DIP2C: variants seen among roughly 807,000 people sequenced by gnomAD.
DIP2C encodes DIP2 acetate--CoA ligase C (putative), also known as disco-interacting protein 2 homolog C.
Under a neutral mutation model 192.4 loss-of-function variants are expected in DIP2C, and 33 were observed. The observed-to-expected ratio is 0.17, with a 90% CI of 0.13 to 0.23. The LOEUF is 0.23. Among genes scored for constraint, DIP2C ranks in the 10% least tolerant of loss-of-function variants. The pLI is 1.00. For missense variants in DIP2C, 1,537 were observed against 2,110.1 expected, an observed-to-expected ratio of 0.73 and a Z score of 5.32; for synonymous variants, 979 against 864.1, an observed-to-expected ratio of 1.13 and a Z score of -2.33.
Position 591,848 on chromosome 10 carries a change from C to T in DIP2C, c.85+97646G>A, listed in dbSNP as rs550092356. Among the ~76,000 whole-genome samples the T allele has an allele frequency of 1.3e-4, 20 of 152,314 alleles. No individual in the cohort carries two copies. The South Asian group carries it at 4.1e-3, about 32-fold the overall frequency. On this transcript the variant is annotated intron_variant, in intron 1 of 36. Coordinates refer to ENST00000280886, the MANE Select transcript of DIP2C (RefSeq NM_014974.3). ...AACAGGGACCTCTCCTCAGACGTCC[C>T]ACAGTGCAGGCAGCCAGAGGGGAAG...
At chr10:361,325 C>A (rs73587803) in intron 22 of DIP2C, among the ~76,000 whole-genome samples, 1 of 152,126 alleles carries the variant, frequency 6.6e-6, no homozygotes, top group Non-Finnish European at 1.5e-5. Flanking sequence ...CACTCCTGAC[C>A]GCAGTGTGAG....
intron 19 of DIP2C, among the ~76,000 whole-genome samples, chr10:365,973 C>T (rs889250096): frequency 6.6e-5 from 10 of 152,226 alleles, no homozygotes; most frequent in Non-Finnish European, 1.2e-4. Flanking sequence ...AGGCCCTTCA[C>T]GCACACAAGT....
intron 26 of DIP2C, among the ~76,000 whole-genome samples, chr10:347,901 G>A (rs1282874212): frequency 1.2e-4 from 11 of 89,714 alleles, no homozygotes; most frequent in African/African-American, 1.2e-4. Flanking sequence ...GCACCCAGAC[G>A]CGTCGCGCAT....
intron 1 of DIP2C, among the ~76,000 whole-genome samples, chr10:497,241 T>G (rs1844900092): frequency 6.6e-6 from 1 of 152,236 alleles, no homozygotes; most frequent in African/African-American, 2.4e-5. Context: ...TCTACCCATG[T>G]TCAGAACAGG....
intron 3 of DIP2C, among the ~76,000 whole-genome samples, chr10:456,766 CACG>C (rs1969337527): frequency 6.6e-6 from 1 of 152,234 alleles, no homozygotes; most frequent in Non-Finnish European, 1.5e-5. Flanking sequence ...TGTTCCCTTC[CACG>C]ACGATTTTTG....
chr10:405,826 C>A (rs553388700), intron 9 of DIP2C, among the ~76,000 whole-genome samples: 5 of 152,340 alleles, frequency 3.3e-5, no homozygotes, highest in Admixed American at 1.3e-4. Context: ...CCCTCCAGGG[C>A]TCCTCACACA....
chr10:417,493 C>T (rs550604035), intron 6 of DIP2C, among the ~76,000 whole-genome samples: 128 of 152,318 alleles, frequency 8.4e-4, no homozygotes, highest in Admixed American at 2.4e-3. Flanking sequence ...GAAAAGTCAT[C>T]GCACTGGCAA....
At chr10:616,571 C>A (rs149865578) in intron 1 of DIP2C, among the ~76,000 whole-genome samples, 1 of 152,346 alleles carries the variant, frequency 6.6e-6, no homozygotes, top group Admixed American at 6.5e-5. Context: ...TGAGCCCCAA[C>A]AGCCCCTCGC....
chr10:343,305 C>T (rs1481205587), intron 28 of DIP2C, among the ~76,000 whole-genome samples: 1 of 152,102 alleles, frequency 6.6e-6, no homozygotes, highest in Non-Finnish European at 1.5e-5. Context: ...AAAAACATGT[C>T]ACAAGTTGAT....
intron 32 of DIP2C, among the ~76,000 whole-genome samples, chr10:294,597 AAAG>A (rs1955657649): frequency 6.6e-6 from 1 of 151,454 alleles, no homozygotes. Context: ...CCATCTAAAA[AAAG>A]AAAAAAAAAA....
At chr10:384,459 A>C in intron 15 of DIP2C, 87 bp downstream of exon 15, 1 of 1,366,330 alleles carries the variant, frequency 7.3e-7, no homozygotes, top group East Asian at 2.3e-5. Flanking sequence ...GGTGGTCTGG[A>C]ACTCCTGACC....
chr10:294,600 GAAAA>G (rs570204891), intron 32 of DIP2C, among the ~76,000 whole-genome samples: 1 of 126,168 alleles, frequency 7.9e-6, no homozygotes, highest in Non-Finnish European at 1.7e-5. Flanking sequence ...TCTAAAAAAA[GAAAA>G]AAAAAAAAGA....
At chr10:575,943 T>C (rs1255163952) in intron 1 of DIP2C, among the ~76,000 whole-genome samples, 2 of 152,222 alleles carry the variant, frequency 1.3e-5, no homozygotes, top group African/African-American at 4.8e-5. Context: ...TCAGTGGTTT[T>C]GTGTCTGTCA....
At chr10:389,959 G>A in intron 13 of DIP2C, 32 bp downstream of exon 13, 2 of 1,567,562 alleles carry the variant, frequency 1.3e-6, no homozygotes, top group Non-Finnish European at 1.7e-6. Flanking sequence ...GTTAGAACCA[G>A]GGTCCCAAGG....
chr10:489,251 A>G (rs1444458835), intron 1 of DIP2C, among the ~76,000 whole-genome samples: 1 of 152,206 alleles, frequency 6.6e-6, no homozygotes, highest in African/African-American at 2.4e-5. Flanking sequence ...CCAGATTCCC[A>G]TGATAGACTC....
chr10:553,749 G>T (rs148731801), intron 1 of DIP2C, among the ~76,000 whole-genome samples: 2 of 151,776 alleles, frequency 1.3e-5, no homozygotes, highest in South Asian at 4.2e-4. Flanking sequence ...CTGTAACAGC[G>T]GCAAACAGGC....
chr10:515,237 A>G (rs1286657246), intron 1 of DIP2C, among the ~76,000 whole-genome samples: 2 of 152,238 alleles, frequency 1.3e-5, no homozygotes, highest in African/African-American at 4.8e-5. Flanking sequence ...AAATCTTAAT[A>G]CTGAAAGAAT....
At chr10:628,270 C>T (rs1854311189) in intron 1 of DIP2C, among the ~76,000 whole-genome samples, 1 of 152,198 alleles carries the variant, frequency 6.6e-6, no homozygotes. Context: ...ATAAATCAGC[C>T]AGAAATGGTC....
chr10:489,257 G>A (rs967515650), intron 1 of DIP2C, among the ~76,000 whole-genome samples: 11 of 152,190 alleles, frequency 7.2e-5, no homozygotes, highest in Admixed American at 7.2e-4. Flanking sequence ...TCCCATGATA[G>A]ACTCGCTGCA....
Sources: gnomAD v4.1 joint callset for allele counts (sites outside exome capture counted in the v4.1 genomes callset) on GRCh38, gnomAD v4.1.1 for gene constraint, MANE v1.5 for transcripts, NCBI Gene and HGNC (gene_info 2026-07-23, HGNC 2026-07-21) for gene names.